The following ZNF518A variants were observed in gnomAD, a reference collection of about 807,000 sequenced individuals.
ZNF518A encodes zinc finger protein 518A.
In ZNF518A, 47 loss-of-function variants were observed where a neutral mutation model predicts 102.7. The ratio of observed to expected loss-of-function variants is 0.46; its 90% CI spans 0.36 to 0.58. The LOEUF (loss-of-function observed/expected upper bound fraction) is 0.58. Ranked by LOEUF, ZNF518A falls within the 20% of genes least tolerant of loss-of-function variation. The pLI, the probability that ZNF518A is intolerant of heterozygous loss-of-function variation, is 0.00. For synonymous variants in ZNF518A, 652 were observed against 594.6 expected, an observed-to-expected ratio of 1.10 and a Z score of -1.40; for missense variants, 1,793 against 1,699.8, an observed-to-expected ratio of 1.05 and a Z score of -0.96.
intron 1 of ZNF518A, among the ~76,000 whole-genome samples, chr10:96,196,346 G>C (rs2083464768): frequency 6.6e-6 from 1 of 152,178 alleles, no homozygotes; most frequent in Non-Finnish European, 1.5e-5. Flanking sequence ...CTGAGATATG[G>C]TAAGCACTGA....
At chr10:96,155,222 A>G (rs1443903087) in intron 3 of ZNF518A, 104 bp from the exon 4 acceptor site, 4 of 152,200 alleles carry the variant, frequency 2.6e-5, no homozygotes, top group East Asian at 1.9e-4. Flanking sequence ...TGTGATTTAT[A>G]TGGCACTTTA....
chr10:96,200,074 C>A lies in ZNF518A; in HGVS notation n.36-3500C>A. 6.3e-7 allele frequency: 1 copy of A among 1,587,880 alleles called. No homozygotes were observed. The highest frequency in any genetic ancestry group is 8.6e-7 in the Non-Finnish European group (1 of 1,164,396). On this transcript the variant is annotated intron_variant and non_coding_transcript_variant, in intron 1 of 2. Coordinates refer to the ZNF518A transcript ENST00000442635. This position sits in a 1 kb window ranked among gnomAD's most constrained non-coding sequence, Gnocchi z 4.3. ...ATAATAAATAATAAAAATGATCAGA[C>A]CTTGTTTGATCTGTGCAATGCCTCT...
downstream of ZNF518A, among the ~76,000 whole-genome samples, chr10:96,165,857 T>G (rs2083135368): frequency 6.6e-6 from 1 of 152,130 alleles, no homozygotes; most frequent in Non-Finnish European, 1.5e-5. Context: ...AATTAGGTTA[T>G]GTAATTATGG....
intron 3 of ZNF518A, among the ~76,000 whole-genome samples, chr10:96,153,506 T>C (rs1245237906): frequency 2.6e-5 from 4 of 152,122 alleles, no homozygotes; most frequent in South Asian, 2.1e-4. Context: ...TGAGGGCAAA[T>C]AACAAACCCC....
Position 96,187,007 on chromosome 10 carries a change from T to C in ZNF518A, n.36-16567T>C, listed in dbSNP as rs2083275802. On this transcript the variant is annotated intron_variant and non_coding_transcript_variant, in intron 1 of 2. Coordinates refer to the ZNF518A transcript ENST00000442635. ...ACAGAGGCCCAGGAATCTCATGATA[T>C]TTGATGTGAGTTTCTGTGTATATAC... Among the ~76,000 whole-genome samples the C allele has an allele frequency of 3.9e-5, 6 of 152,322 alleles. 1 individual carries two copies. The South Asian group carries it at 1.0e-3, about 26-fold the overall frequency.
chr10:96,204,638 A>G, downstream of ZNF518A: 1 of 1,611,594 alleles, frequency 6.2e-7, no homozygotes, highest in Non-Finnish European at 8.5e-7. Context: ...AAATTATCAT[A>G]TTAGGATTAG....
intron 1 of ZNF518A, chr10:96,189,702 A>ATCATCC: frequency 1.4e-6 from 1 of 695,338 alleles, no homozygotes; most frequent in East Asian, 2.6e-5. Context: ...CATCAAAATC[A>ATCATCC]TCATCATCAT....
Position 96,156,875 on chromosome 10 carries a change from G to A in ZNF518A, c.553G>A (p.Glu185Lys). 6.2e-7 allele frequency: 1 copy of A among 1,613,822 alleles called. No homozygotes were observed. The highest frequency in any genetic ancestry group is 8.5e-7 in the Non-Finnish European group (1 of 1,179,790). Reference sequence around the variant, plus strand: ...AGTAAAATGTGACATTTGTAACAATGAGAGTGTATATACTTTACTGAACTT... The same window carrying A: ...AGTAAAATGTGACATTTGTAACAATAAGAGTGTATATACTTTACTGAACTT... Reference protein sequence around the residue: ...TLVKCDICNNESVYTLLNLTK... With the variant: ...TLVKCDICNNKSVYTLLNLTK... Residue 185 changes from glutamate (E) to lysine (K), a missense_variant, in exon 6 of 6, where the codon GAG (glutamate) becomes AAG (lysine). Glu to Lys is a moderately conservative substitution (Grantham distance 56). Around this residue, in one of 3 missense-constraint regions of ZNF518A, gnomAD observed 1,741 missense variants for 1,622.6 expected, o/e 1.07. Coordinates refer to ENST00000316045, the MANE Select transcript of ZNF518A (RefSeq NM_001330736.2).
Position 96,159,634 on chromosome 10 carries a change from T to C in ZNF518A, c.3312T>C (p.Ala1104=), listed in dbSNP as rs1554886373. Residue 1104 remains alanine (A), a synonymous_variant, in exon 6 of 6, where the codon GCT becomes GCC. Coordinates refer to ENST00000316045, the MANE Select transcript of ZNF518A (RefSeq NM_001330736.2). ...CCTTCTTGCCTGATGGCAAACAAGC[T>C]GTTTTTTTAAAGTGTGTGATGCCAA... ...LYTFLPDGKQ[A]VFLKCVMPNK... 3 of 1,613,738 alleles carry C rather than the reference T, an allele frequency of 1.9e-6. No homozygotes were observed. Among genetic ancestry groups the C allele is most frequent in the East Asian group, 2.2e-5 (1 of 44,904 alleles).
chr10:96,204,406 C>CA, downstream of ZNF518A: 1 of 1,142,912 alleles, frequency 8.7e-7, no homozygotes, highest in Non-Finnish European at 1.3e-6. Context: ...CACGTAACTG[C>CA]AAAACAATGA....
At position 96,156,526 on chromosome 10, in the gene ZNF518A, C is replaced by A. The variant is rs201775779; in HGVS notation, c.204C>A (p.Asp68Glu). The A allele has an allele frequency of 1.3e-4, 217 of 1,610,848 alleles. No homozygotes were observed. In the African/African-American group the frequency reaches 2.4e-3, roughly 18 times the overall value. Residue 68 changes from aspartate to glutamate, a missense_variant, in exon 6 of 6, where the codon GAC (aspartate) becomes GAA (glutamate). Transcript: ENST00000316045. ...PNEVLLKHEV[D>E]KYRKLFQSKQ... The stretch of plus-strand genomic sequence containing the variant: ...AAGTCCTATTGAAACATGAAGTTGA[C>A]AAATACAGAAAATTATTTCAGAGTA...
Position 96,159,272 on chromosome 10 carries a change from A to G in ZNF518A, c.2950A>G (p.Asn984Asp), listed in dbSNP as rs782191221. The change falls in exon 6 of 6, where the codon AAT becomes GAT. Residue 984 changes from asparagine (N) to aspartate (D), a missense_variant. By Grantham distance (23) the Asn-to-Asp change is conservative. This residue lies in a region of ZNF518A where 1,741 missense variants were observed against 1,622.6 expected (regional missense o/e 1.07). Coordinates refer to ENST00000316045, the MANE Select transcript of ZNF518A (RefSeq NM_001330736.2). ...KKPGMVLTLN[N>D]GKLEGVSAVK... ...ACCTGGGATGGTTTTAACACTTAATAATGGGAAACTTGAAGGTGTTTCCGC... is the reference window on the plus strand; with the variant it reads ...ACCTGGGATGGTTTTAACACTTAATGATGGGAAACTTGAAGGTGTTTCCGC... 1.2e-6 allele frequency: 2 copies of G among 1,613,498 alleles called. No individual in the cohort carries two copies. Among genetic ancestry groups the G allele is most frequent in the South Asian group, 2.2e-5 (2 of 90,946 alleles).
intron 3 of ZNF518A, among the ~76,000 whole-genome samples, chr10:96,146,681 C>T (rs2082187037): frequency 1.3e-5 from 2 of 152,134 alleles, no homozygotes; most frequent in South Asian, 4.1e-4. Context: ...TATCTGCATA[C>T]CAACTATTTA....
chr10:96,189,505 T>A, intron 1 of ZNF518A: 1 of 641,406 alleles, frequency 1.6e-6, no homozygotes, highest in South Asian at 1.4e-5. Flanking sequence ...TTTGATTTAA[T>A]GTCTTCTACA....
intron 4 of ZNF518A, 84 bp from the exon 5 acceptor site, chr10:96,155,840 A>T (rs2082671588): frequency 6.6e-6 from 1 of 152,380 alleles, no homozygotes; most frequent in Non-Finnish European, 1.5e-5. Flanking sequence ...AAGATTTTTA[A>T]AATCTTGTTT....
chr10:96,171,932 C>T (rs909195498), intron 1 of ZNF518A, among the ~76,000 whole-genome samples: 15 of 151,730 alleles, frequency 9.9e-5, no homozygotes, highest in African/African-American at 2.7e-4. Context: ...GCATGGAACC[C>T]CCAATAAGAT....
chr10:96,204,234 G>T, downstream of ZNF518A: 1 of 922,484 alleles, frequency 1.1e-6, no homozygotes, highest in South Asian at 1.5e-5. Flanking sequence ...AGATAAAAGA[G>T]CCACCAAAAC....
chr10:96,198,990 C>T (rs587611232), intron 1 of ZNF518A, among the ~76,000 whole-genome samples: 107 of 152,296 alleles, frequency 7.0e-4, no homozygotes, highest in Non-Finnish European at 1.3e-3. Context: ...TAAGCCACTG[C>T]GCCTGGCTGA....
Position 96,200,230 on chromosome 10 carries a change from A to G in ZNF518A, n.36-3344A>G. 3 of 1,273,748 alleles carry G rather than the reference A, an allele frequency of 2.4e-6. No homozygotes were observed. The South Asian group carries it at 3.7e-5, about 16-fold the overall frequency. 78.9% of individuals were successfully genotyped at this position (1,273,748 alleles called of 1,614,324 possible). A position where few individuals can be genotyped will look rare whatever the true frequency, so the allele number is the denominator to read the frequency against. Reference sequence around the variant, plus strand: ...CTCTAATTTCTGTGTACTAGAAACAAAGACCCATTTGCATTATCAAGACAG... The same window carrying G: ...CTCTAATTTCTGTGTACTAGAAACAGAGACCCATTTGCATTATCAAGACAG... On this transcript the variant is annotated intron_variant and non_coding_transcript_variant, in intron 1 of 2. Coordinates refer to the ZNF518A transcript ENST00000442635. The surrounding 1 kb of genome is among the most constrained non-coding windows in gnomAD (Gnocchi z 4.3).
Sources: gnomAD v4.1 joint callset for allele counts (sites outside exome capture counted in the v4.1 genomes callset) on GRCh38, gnomAD v4.1.1 for gene constraint, gnomAD v4.1.1 regional missense constraint, Gnocchi (gnomAD v3.1) non-coding constraint, MANE v1.5 for transcripts, NCBI Gene and HGNC (gene_info 2026-07-23, HGNC 2026-07-21) for gene names.